SLC8A3: variants seen among roughly 807,000 people sequenced by gnomAD.
SLC8A3 encodes sodium/calcium exchanger 3.
A neutral mutation model predicts 65.4 loss-of-function variants in SLC8A3; 37 were observed. The observed-to-expected ratio is 0.57, with a 90% CI of 0.44 to 0.74. SLC8A3 has a LOEUF of 0.74. Ranked by LOEUF, SLC8A3 falls within the 30% of genes least tolerant of loss-of-function variation. SLC8A3 has a pLI of 0.00. For synonymous variants in SLC8A3, 461 were observed against 444.5 expected, an observed-to-expected ratio of 1.04 and a Z score of -0.47; for missense variants, 1,112 against 1,172.1, an observed-to-expected ratio of 0.95 and a Z score of 0.75.
intron 2 of SLC8A3, among the ~76,000 whole-genome samples, chr14:70,162,246 G>A (rs916021397): frequency 6.6e-6 from 1 of 152,172 alleles, no homozygotes; most frequent in African/African-American, 2.4e-5. Flanking sequence ...CCTAAGATGG[G>A]AAAGGGCAGA....
intron 2 of SLC8A3, among the ~76,000 whole-genome samples, chr14:70,097,696 T>A (rs575690905): frequency 3.9e-5 from 6 of 152,318 alleles, no homozygotes; most frequent in East Asian, 1.9e-4. Flanking sequence ...GGTTTTTTTT[T>A]AATCTCTTTG....
intron 3 of SLC8A3, among the ~76,000 whole-genome samples, chr14:70,059,727 T>C (rs1888562946): frequency 6.6e-6 from 1 of 152,124 alleles, no homozygotes; most frequent in Non-Finnish European, 1.5e-5. Flanking sequence ...CGGTACTTTC[T>C]CTTGCAGATG....
At position 70,044,231 on chromosome 14, in the gene SLC8A3, T is replaced by C. The variant is rs189420097; in HGVS notation, c.*1716A>G. On this transcript the variant is annotated 3_prime_UTR_variant, in exon 7 of 7. Coordinates refer to ENST00000356921, the MANE Select transcript of SLC8A3 (RefSeq NM_182932.3). The stretch of plus-strand genomic sequence containing the variant: ...GAAGCAAGCTGTATGTAGAGAGATA[T>C]AGTATAGCTTTTATTTTTTTTTTGA... 2.0e-5 allele frequency: 3 copies of C among 152,310 alleles called. No individual in the cohort carries two copies. The highest frequency in any genetic ancestry group is 3.9e-4 in the East Asian group (2 of 5,178). 9.4% of individuals were successfully genotyped at this position (152,310 alleles called of 1,614,324 possible). A position where few individuals can be genotyped will look rare whatever the true frequency, so the allele number is the denominator to read the frequency against.
chr14:70,174,002 C>T (rs576711665), intron 1 of SLC8A3, among the ~76,000 whole-genome samples: 6 of 152,300 alleles, frequency 3.9e-5, no homozygotes, highest in African/African-American at 1.4e-4. Flanking sequence ...GAAGGAGGTG[C>T]TATTATCACC....
intron 2 of SLC8A3, among the ~76,000 whole-genome samples, chr14:70,163,004 G>A (rs1269431834): frequency 6.6e-6 from 1 of 152,098 alleles, no homozygotes; most frequent in Non-Finnish European, 1.5e-5. Flanking sequence ...TCCTTGATTT[G>A]TCTGTACCCT....
At chr14:70,177,914 C>T (rs1898004729) in intron 1 of SLC8A3, among the ~76,000 whole-genome samples, 1 of 152,178 alleles carries the variant, frequency 6.6e-6, no homozygotes, top group Non-Finnish European at 1.5e-5. Flanking sequence ...CCAGTCCAGA[C>T]TCTCCCAGGA....
At chr14:70,125,126 C>T (rs892726104) in intron 2 of SLC8A3, among the ~76,000 whole-genome samples, 2 of 151,978 alleles carry the variant, frequency 1.3e-5, no homozygotes, top group African/African-American at 2.4e-5. Flanking sequence ...AGCTGGGGAC[C>T]CATAGGACAG....
intron 2 of SLC8A3, among the ~76,000 whole-genome samples, chr14:70,116,117 A>C (rs959422140): frequency 6.6e-6 from 1 of 152,170 alleles, no homozygotes; most frequent in African/African-American, 2.4e-5. Flanking sequence ...GGTAGTGCTG[A>C]AAGCTCAGAG....
chr14:70,066,582 G>A lies in SLC8A3; in HGVS notation c.1785-5643C>T, dbSNP rs184907231. On this transcript the variant is annotated intron_variant, in intron 2 of 6. Coordinates refer to ENST00000356921, the MANE Select transcript of SLC8A3 (RefSeq NM_182932.3). ...TCCCAGTGCTTTGGAAGGCCGAGGC[G>A]GGTGGATCGCTTGAGGTCAGGAGCT... Among the ~76,000 whole-genome samples, 6 of 152,220 alleles carry A rather than the reference G, an allele frequency of 3.9e-5. No homozygotes were observed. The East Asian group carries it at 5.8e-4, about 15-fold the overall frequency.
chr14:70,080,625 C>A (rs1890973753), intron 2 of SLC8A3, among the ~76,000 whole-genome samples: 1 of 152,116 alleles, frequency 6.6e-6, no homozygotes, highest in South Asian at 2.1e-4. Context: ...ATGTTCAGAC[C>A]AGACTCCTTC....
chr14:70,063,250 A>C (rs1391729040), intron 2 of SLC8A3, among the ~76,000 whole-genome samples: 1 of 152,236 alleles, frequency 6.6e-6, no homozygotes, highest in Non-Finnish European at 1.5e-5. Flanking sequence ...CAGGAGGAGA[A>C]ACAAGTCTTG....
At chr14:70,172,025 T>C (rs1263489720) in intron 1 of SLC8A3, among the ~76,000 whole-genome samples, 4 of 152,118 alleles carry the variant, frequency 2.6e-5, no homozygotes, top group East Asian at 1.9e-4. Flanking sequence ...CAGACACCAA[T>C]TGAGATAGAT....
chr14:70,066,102 A>G (rs572784345), intron 2 of SLC8A3, among the ~76,000 whole-genome samples: 100 of 152,354 alleles, frequency 6.6e-4, no homozygotes, highest in Middle Eastern at 3.4e-3. Flanking sequence ...AGAGTAACTT[A>G]GGTTAGCCAG....
intron 2 of SLC8A3, among the ~76,000 whole-genome samples, chr14:70,129,882 G>C (rs1273054869): frequency 6.6e-6 from 1 of 152,352 alleles, no homozygotes; most frequent in South Asian, 2.1e-4. Flanking sequence ...CAATTCAAAA[G>C]ATATTTTCAC....
intron 2 of SLC8A3, among the ~76,000 whole-genome samples, chr14:70,161,416 C>A (rs1896888798): frequency 1.3e-5 from 2 of 151,818 alleles, no homozygotes; most frequent in African/African-American, 4.8e-5. Flanking sequence ...CTAAGTATCC[C>A]CATTCAACAA....
At chr14:70,082,407 C>T (rs1258505676) in intron 2 of SLC8A3, among the ~76,000 whole-genome samples, 1 of 152,162 alleles carries the variant, frequency 6.6e-6, no homozygotes, top group Non-Finnish European at 1.5e-5. Context: ...CAGGAGATTG[C>T]ATTTGTTCAG....
chr14:70,172,151 T>TCC (rs200743529), intron 1 of SLC8A3, among the ~76,000 whole-genome samples: 3 of 150,670 alleles, frequency 2.0e-5, no homozygotes, highest in African/African-American at 7.5e-5. Context: ...TGAGATCTTT[T>TCC]CCCCCACCCA....
intron 1 of SLC8A3, among the ~76,000 whole-genome samples, chr14:70,174,662 G>GTTTGTTTT (rs1566833477): frequency 1.1e-4 from 7 of 66,520 alleles, no homozygotes; most frequent in African/African-American, 2.0e-4. Flanking sequence ...TTTTTTTTTT[G>GTTTGTTTT]TTTTTTTTTT....
Position 70,045,727 on chromosome 14 carries a change from T to C in SLC8A3, c.*220A>G, listed in dbSNP as rs1033135016. 6.9e-5 allele frequency: 32 copies of C among 464,670 alleles called. No individual in the cohort carries two copies. The highest frequency in any genetic ancestry group is 5.5e-4 in the African/African-American group (29 of 52,422). 28.8% of individuals were successfully genotyped at this position (464,670 alleles called of 1,614,324 possible). On this transcript the variant is annotated 3_prime_UTR_variant, in exon 7 of 7. Transcript: ENST00000356921. The stretch of plus-strand genomic sequence containing the variant: ...GTTGCTGTTGCTTGTTTGTATTCAA[T>C]TAAATACTGTGTAAAGTCGGTGATT...
Sources: allele counts gnomAD v4.1 joint callset (sites outside exome capture counted in the v4.1 genomes callset), GRCh38; gene constraint gnomAD v4.1.1; transcripts MANE v1.5; gene names NCBI Gene and HGNC (gene_info 2026-07-23, HGNC 2026-07-21).